The following CLVS1 variants were observed in gnomAD, a reference collection of about 807,000 sequenced individuals.
The protein encoded by CLVS1 is clavesin-1.
A neutral mutation model predicts 33.1 loss-of-function variants in CLVS1; 10 were observed. That is an observed-to-expected ratio of 0.30 (90% confidence interval 0.19 to 0.51). CLVS1 has a LOEUF of 0.51. Ranked by LOEUF, CLVS1 falls within the 20% of genes least tolerant of loss-of-function variation. The pLI, the probability that CLVS1 is intolerant of heterozygous loss-of-function variation, is 0.97. For missense variants in CLVS1, 343 were observed against 433.4 expected (o/e 0.79, Z 1.85); for synonymous variants, 163 against 166.1 (o/e 0.98, Z 0.14).
intron 2 of CLVS1, among the ~76,000 whole-genome samples, chr8:61,193,606 A>C (rs1162484967): frequency 1.3e-5 from 2 of 152,170 alleles, no homozygotes; most frequent in Non-Finnish European, 2.9e-5. Context: ...AAATGTTTTC[A>C]GTGTACTGTA....
At chr8:61,018,325 T>C in the CLVS1 span, among the ~76,000 whole-genome samples, 2 of 152,214 alleles carry the variant, frequency 1.3e-5, no homozygotes, top group African/African-American at 4.8e-5. Context: ...GTTTCAAATA[T>C]ACACAAATCT....
chr8:61,353,414 C>A (rs1812555403), intron 2 of CLVS1, among the ~76,000 whole-genome samples: 1 of 151,818 alleles, frequency 6.6e-6, no homozygotes. Flanking sequence ...TCTCAGAAGA[C>A]ATGGAAATTA....
At chr8:61,057,664 A>G (rs1804503802) in intron 1 of CLVS1, among the ~76,000 whole-genome samples, 1 of 152,180 alleles carries the variant, frequency 6.6e-6, no homozygotes, top group South Asian at 2.1e-4. Flanking sequence ...GTGATACTGC[A>G]CAACTGTGCA....
chr8:61,413,118 G>A (rs192158375), intron 3 of CLVS1, among the ~76,000 whole-genome samples: 3 of 152,242 alleles, frequency 2.0e-5, no homozygotes, highest in Admixed American at 6.5e-5. Flanking sequence ...TGAAATTAGC[G>A]AGTCTGGAGA....
the CLVS1 span, among the ~76,000 whole-genome samples, chr8:61,029,506 A>G: frequency 6.6e-6 from 1 of 152,106 alleles, no homozygotes; most frequent in Non-Finnish European, 1.5e-5. Context: ...CTTTCTGCCC[A>G]GGGATGGTAG....
chr8:61,340,435 C>A (rs1454942218), intron 2 of CLVS1, among the ~76,000 whole-genome samples: 2 of 152,160 alleles, frequency 1.3e-5, no homozygotes, highest in African/African-American at 4.8e-5. Flanking sequence ...TGAGATCATG[C>A]GGCATTTGTC....
chr8:61,214,362 C>T (rs1808040550), intron 2 of CLVS1, among the ~76,000 whole-genome samples: 2 of 152,144 alleles, frequency 1.3e-5, no homozygotes, highest in South Asian at 4.1e-4. Flanking sequence ...ATGGAACCTA[C>T]CAACATGTGA....
At chr8:61,046,761 G>A in the CLVS1 span, among the ~76,000 whole-genome samples, 1 of 151,588 alleles carries the variant, frequency 6.6e-6, no homozygotes, top group African/African-American at 2.4e-5. Flanking sequence ...ATTGTGAATG[G>A]GAGTTCACTC....
At chr8:61,497,276 C>T (rs545557676) in intron 5 of CLVS1, among the ~76,000 whole-genome samples, 2 of 152,232 alleles carry the variant, frequency 1.3e-5, no homozygotes, top group African/African-American at 4.8e-5. Context: ...AATGGAAAGC[C>T]ATGCATAAGG....
At chr8:61,411,882 C>A (rs1815241246) in intron 3 of CLVS1, among the ~76,000 whole-genome samples, 1 of 152,178 alleles carries the variant, frequency 6.6e-6, no homozygotes, top group South Asian at 2.1e-4. Flanking sequence ...CCCACCACAA[C>A]CCACCTTGGG....
chr8:61,422,745 C>T (rs1815727435), intron 3 of CLVS1, among the ~76,000 whole-genome samples: 1 of 152,134 alleles, frequency 6.6e-6, no homozygotes, highest in African/African-American at 2.4e-5. Flanking sequence ...ATGAAATAAT[C>T]ATATAGGGAA....
chr8:61,468,069 T>C (rs566266512), intron 5 of CLVS1, among the ~76,000 whole-genome samples: 132 of 151,600 alleles, frequency 8.7e-4, no homozygotes, highest in African/African-American at 2.9e-3. Context: ...ATATTTTAGA[T>C]TTAATTTAAA....
At chr8:61,383,979 G>C (rs544109438) in intron 3 of CLVS1, among the ~76,000 whole-genome samples, 1 of 152,294 alleles carries the variant, frequency 6.6e-6, no homozygotes, top group East Asian at 1.9e-4. Flanking sequence ...TGGAAAAAGA[G>C]ACATGTACCA....
intron 1 of CLVS1, among the ~76,000 whole-genome samples, chr8:61,092,890 AG>A (rs1220077393): frequency 6.6e-6 from 1 of 152,148 alleles, no homozygotes; most frequent in Non-Finnish European, 1.5e-5. Flanking sequence ...CTGCTTCCCA[AG>A]TGGTATCACT....
intron 2 of CLVS1, among the ~76,000 whole-genome samples, chr8:61,220,809 A>G (rs1237654302): frequency 6.6e-6 from 1 of 151,978 alleles, no homozygotes; most frequent in Non-Finnish European, 1.5e-5. Context: ...ATGTTTTTCC[A>G]TTTGTTTCTG....
chr8:61,380,143 A>T (rs2129601727), intron 3 of CLVS1, among the ~76,000 whole-genome samples: 1 of 152,266 alleles, frequency 6.6e-6, no homozygotes, highest in South Asian at 2.1e-4. Flanking sequence ...TTCCCAATAG[A>T]CTCCAAAGTG....
At chr8:61,336,893 A>C (rs1365598985) in intron 2 of CLVS1, among the ~76,000 whole-genome samples, 1 of 152,200 alleles carries the variant, frequency 6.6e-6, no homozygotes, top group Admixed American at 6.5e-5. Flanking sequence ...AACAAACAAA[A>C]AAATAAAACC....
intron 3 of CLVS1, among the ~76,000 whole-genome samples, chr8:61,451,904 C>T (rs144802503): frequency 2.1e-4 from 32 of 152,072 alleles, no homozygotes; most frequent in African/African-American, 6.0e-4. Flanking sequence ...TGCACATTGC[C>T]TTTATCAGAC....
chr8:60,977,350 G>A, the CLVS1 span, among the ~76,000 whole-genome samples: 1 of 152,172 alleles, frequency 6.6e-6, no homozygotes, highest in Non-Finnish European at 1.5e-5. Flanking sequence ...TCATCCCTGA[G>A]GAATCTGAGA....
Sources: gnomAD v4.1 joint callset for allele counts (sites outside exome capture counted in the v4.1 genomes callset) on GRCh38, gnomAD v4.1.1 for gene constraint, MANE v1.5 for transcripts, NCBI Gene and HGNC (gene_info 2026-07-23, HGNC 2026-07-21) for gene names.